The following ZNF385D variants were observed in gnomAD, a reference collection of about 807,000 sequenced individuals.
The protein encoded by ZNF385D is zinc finger protein 385D.
A neutral mutation model predicts 35.8 loss-of-function variants in ZNF385D; 15 were observed. The observed-to-expected ratio is 0.42, with a 90% CI of 0.28 to 0.64. The LOEUF (loss-of-function observed/expected upper bound fraction) is 0.64, where lower values mean the gene tolerates loss of function less well. Ranked by LOEUF, ZNF385D falls within the 30% of genes least tolerant of loss-of-function variation. The probability of loss-of-function intolerance (pLI) is 0.23; values close to 1 mark genes in which losing one functional copy is unlikely to be tolerated. For synonymous variants in ZNF385D, 212 were observed against 186.8 expected (o/e 1.13, Z -1.10); for missense variants, 474 against 494.6 (o/e 0.96, Z 0.39).
chr3:22,331,609 C>T (rs1365689332), intron 2 of ZNF385D, among the ~76,000 whole-genome samples: 2 of 152,068 alleles, frequency 1.3e-5, no homozygotes, highest in African/African-American at 4.8e-5. Context: ...TAGAAGATGG[C>T]CTAAGCAATT....
At chr3:21,918,685 T>G (rs1016076784) in intron 3 of ZNF385D, among the ~76,000 whole-genome samples, 1 of 152,184 alleles carries the variant, frequency 6.6e-6, no homozygotes, top group African/African-American at 2.4e-5. Flanking sequence ...CTTTTGACAT[T>G]ATTCTTCTTT....
At chr3:22,138,865 T>G (rs11719692) in intron 3 of ZNF385D, among the ~76,000 whole-genome samples, 78,941 of 151,176 alleles carry the variant, frequency 0.52, 20,969 homozygotes, top group East Asian at 0.79. Context: ...GAAACTACCA[T>G]CAGAGTGAAC....
chr3:21,461,273 CTG>C (rs1234969576), intron 4 of ZNF385D, among the ~76,000 whole-genome samples: 1 of 152,046 alleles, frequency 6.6e-6, no homozygotes, highest in East Asian at 1.9e-4. Flanking sequence ...TCTTTGAGGC[CTG>C]GCACAGTGGC....
intron 3 of ZNF385D, among the ~76,000 whole-genome samples, chr3:21,520,698 T>TA (rs1198914893): frequency 3.9e-5 from 6 of 152,226 alleles, no homozygotes; most frequent in Non-Finnish European, 8.8e-5. Context: ...TTTAAACATT[T>TA]AAATGAATAA....
At chr3:22,009,903 T>A (rs1696462800) in intron 3 of ZNF385D, among the ~76,000 whole-genome samples, 1 of 150,814 alleles carries the variant, frequency 6.6e-6, no homozygotes, top group South Asian at 2.1e-4. Context: ...AAATACAAAA[T>A]TTTTAAAATT....
intron 2 of ZNF385D, among the ~76,000 whole-genome samples, chr3:22,230,332 T>C (rs1698811973): frequency 1.3e-5 from 2 of 152,038 alleles, no homozygotes; most frequent in African/African-American, 4.8e-5. Context: ...TATGTACAGG[T>C]TTTTATGGCC....
intron 3 of ZNF385D, among the ~76,000 whole-genome samples, chr3:21,934,669 G>C (rs985365965): frequency 1.3e-5 from 2 of 152,118 alleles, no homozygotes; most frequent in Non-Finnish European, 2.9e-5. Context: ...TGCAACAAGA[G>C]GGACTCTTAG....
At chr3:22,038,868 T>C (rs1322453974) in intron 3 of ZNF385D, among the ~76,000 whole-genome samples, 1 of 150,442 alleles carries the variant, frequency 6.6e-6, no homozygotes, top group African/African-American at 2.4e-5. Flanking sequence ...AACAAAGATA[T>C]AATAAGGTTA....
At chr3:21,643,220 G>T (rs2065656852) in intron 2 of ZNF385D, among the ~76,000 whole-genome samples, 2 of 152,108 alleles carry the variant, frequency 1.3e-5, no homozygotes, top group South Asian at 2.1e-4. Context: ...TGAGAGAAAT[G>T]CATGCTCATG....
intron 2 of ZNF385D, among the ~76,000 whole-genome samples, chr3:21,575,713 C>T (rs765676473): frequency 6.6e-6 from 1 of 152,150 alleles, no homozygotes; most frequent in African/African-American, 2.4e-5. Flanking sequence ...GGAAGTACAA[C>T]ACTCCACACC....
At chr3:21,733,019 T>C (rs921363847) in intron 1 of ZNF385D, among the ~76,000 whole-genome samples, 4 of 152,208 alleles carry the variant, frequency 2.6e-5, no homozygotes, top group African/African-American at 9.7e-5. Flanking sequence ...TTTTATAGTT[T>C]TGCATTTTAC....
At chr3:22,239,466 C>T (rs926938398) in intron 2 of ZNF385D, among the ~76,000 whole-genome samples, 3 of 150,896 alleles carry the variant, frequency 2.0e-5, no homozygotes, top group African/African-American at 7.4e-5. Flanking sequence ...ACCAGAATTC[C>T]TCTTTTATAA....
chr3:21,791,966 C>T (rs1236403602), intron 3 of ZNF385D, among the ~76,000 whole-genome samples: 1 of 152,170 alleles, frequency 6.6e-6, no homozygotes, highest in African/African-American at 2.4e-5. Flanking sequence ...ATCTCCTGAC[C>T]TCGTGATCCA....
intron 2 of ZNF385D, among the ~76,000 whole-genome samples, chr3:22,274,002 A>G (rs1701304944): frequency 6.6e-6 from 1 of 152,088 alleles, no homozygotes; most frequent in East Asian, 1.9e-4. Context: ...GCATTTGGAT[A>G]CTACTCATCA....
intron 3 of ZNF385D, among the ~76,000 whole-genome samples, chr3:21,988,455 G>A (rs1378902429): frequency 4.3e-4 from 58 of 136,236 alleles, no homozygotes; most frequent in East Asian, 3.3e-3. Flanking sequence ...GCCCCTGCTG[G>A]GGGGTGCCTC....
chr3:21,900,275 A>C (rs1699332961), intron 3 of ZNF385D, among the ~76,000 whole-genome samples: 1 of 152,164 alleles, frequency 6.6e-6, no homozygotes, highest in South Asian at 2.1e-4. Context: ...ATTTAACTCT[A>C]GTTGGATAAC....
chr3:21,421,248 G>A lies in ZNF385D; in HGVS notation c.1154C>T (p.Thr385Ile), dbSNP rs1398778316. ...LLRPAPGPIR[T>I]AHTPVLFAPY ...AGCAAACAGCACAGGAGTGTGGGCGGTCCGAATGGGTCCAGGAGCTGGCCG... is the reference window on the plus strand; with the variant it reads ...AGCAAACAGCACAGGAGTGTGGGCGATCCGAATGGGTCCAGGAGCTGGCCG... The change falls in exon 8 of 8, where the codon ACC becomes ATC. Residue 385 changes from threonine (T) to isoleucine (I), a missense_variant. Physicochemically the swap from Thr to Ile is moderately conservative, Grantham distance 89. Transcript: ENST00000281523. 1 of 1,614,078 alleles carries A rather than the reference G, an allele frequency of 6.2e-7. No individual in the cohort carries two copies. The highest frequency in any genetic ancestry group is 1.1e-5 in the South Asian group (1 of 91,074).
intron 3 of ZNF385D, among the ~76,000 whole-genome samples, chr3:21,809,647 T>C (rs1019481664): frequency 6.9e-5 from 10 of 144,068 alleles, no homozygotes; most frequent in African/African-American, 2.5e-4. Flanking sequence ...CACATATACA[T>C]ATACATATAC....
intron 2 of ZNF385D, among the ~76,000 whole-genome samples, chr3:21,580,267 C>G (rs1174983639): frequency 1.3e-5 from 2 of 152,002 alleles, no homozygotes; most frequent in African/African-American, 4.8e-5. Context: ...CCCCAAGGGT[C>G]TAGGAAGAAG....
Sources: gnomAD v4.1 joint callset for allele counts (sites outside exome capture counted in the v4.1 genomes callset) on GRCh38, gnomAD v4.1.1 for gene constraint, MANE v1.5 for transcripts, NCBI Gene and HGNC (gene_info 2026-07-23, HGNC 2026-07-21) for gene names.